Variants in DYNC2H1 observed in about 807,000 individuals in gnomAD.
The protein encoded by DYNC2H1 is dynein cytoplasmic 2 heavy chain 1.
In DYNC2H1, 410 loss-of-function variants were observed where a neutral mutation model predicts 570.0. The observed-to-expected ratio is 0.72, with a 90% CI of 0.66 to 0.78. DYNC2H1 has a LOEUF of 0.78. Ranked by LOEUF, DYNC2H1 falls within the 30% of genes least tolerant of loss-of-function variation. The pLI, the probability that DYNC2H1 is intolerant of heterozygous loss-of-function variation, is 0.00. For missense variants in DYNC2H1, 4,865 were observed against 5,046.4 expected, an observed-to-expected ratio of 0.96 and a Z score of 1.09; for synonymous variants, 1,688 against 1,677.6, an observed-to-expected ratio of 1.01 and a Z score of -0.15.
chr11:103,307,840 A>G lies in DYNC2H1; in HGVS notation c.11493+9A>G. 1.3e-6 allele frequency: 2 copies of G among 1,524,070 alleles called. No homozygotes were observed. Among genetic ancestry groups the G allele is most frequent in the Non-Finnish European group, 1.8e-6 (2 of 1,113,838 alleles). The allele number at this position is 1,524,070 out of a possible 1,614,324, so 94.4% of individuals were successfully genotyped here. On this transcript the variant is annotated intron_variant, in intron 78 of 88. Coordinates refer to ENST00000375735, the MANE Select transcript of DYNC2H1 (RefSeq NM_001377.3). Reference sequence around the variant, plus strand: ...TGAAGATAACATATGAGGTAAGAAGATTTAAAACTTGGATCACCAGTTGTA... The same window carrying G: ...TGAAGATAACATATGAGGTAAGAAGGTTTAAAACTTGGATCACCAGTTGTA...
intron 84 of DYNC2H1, among the ~76,000 whole-genome samples, chr11:103,418,989 C>T (rs1315672592): frequency 6.6e-6 from 1 of 152,154 alleles, no homozygotes; most frequent in African/African-American, 2.4e-5. Flanking sequence ...AAGAGTCCAC[C>T]TGTATATATC....
rs1409760583 is a variant in DYNC2H1, at chr11:103,244,274, A to G, written c.9918+483A>G. 6.6e-6 allele frequency among the ~76,000 whole-genome samples: 1 copy of G among 152,092 alleles called. No individual in the cohort carries two copies. The highest frequency in any genetic ancestry group is 6.6e-5 in the Admixed American group (1 of 15,262). ...CAAGATTTGATAATTGTTCAGTGAA[A>G]TATAATCATAGTCTTTTTGGTAGTG... On this transcript the variant is annotated intron_variant, in intron 64 of 88. Transcript: ENST00000375735. This position sits in a 1 kb window ranked among gnomAD's most constrained non-coding sequence, Gnocchi z 4.3.
chr11:103,139,838 G>A (rs528068342), intron 17 of DYNC2H1, among the ~76,000 whole-genome samples: 47 of 152,092 alleles, frequency 3.1e-4, no homozygotes, highest in African/African-American at 9.4e-4. Flanking sequence ...CATTATTATT[G>A]TGTGGGAGTC....
chr11:103,232,201 T>C (rs1864040463), intron 60 of DYNC2H1, among the ~76,000 whole-genome samples: 1 of 152,040 alleles, frequency 6.6e-6, no homozygotes, highest in South Asian at 2.1e-4. Flanking sequence ...ACTTCATTTA[T>C]TAGTCACTTG....
rs935777649 is a variant in DYNC2H1, at chr11:103,187,620, T to C, written c.7140+34T>C. The C allele has an allele frequency of 2.5e-6, 4 of 1,592,936 alleles. No homozygotes were observed. In the African/African-American group the frequency reaches 5.4e-5, roughly 22 times the overall value. ...TATTGCTTGAAGTGTTTTAATCTAA[T>C]TGGAAACAATTTAATTTCATTAACT... On this transcript the variant is annotated intron_variant, in intron 43 of 88. Coordinates refer to ENST00000375735, the MANE Select transcript of DYNC2H1 (RefSeq NM_001377.3).
At chr11:103,360,853 G>C (rs1940602834) in intron 83 of DYNC2H1, among the ~76,000 whole-genome samples, 1 of 152,168 alleles carries the variant, frequency 6.6e-6, no homozygotes, top group South Asian at 2.1e-4. Context: ...TGGGTGGAAA[G>C]CACAAGTGGT....
At chr11:103,131,383 G>C (rs553561141) in intron 13 of DYNC2H1, among the ~76,000 whole-genome samples, 1 of 151,828 alleles carries the variant, frequency 6.6e-6, no homozygotes, top group African/African-American at 2.4e-5. Context: ...AAGCTCTCCC[G>C]GGTTCACCCA....
chr11:103,434,522 C>G (rs575760187), intron 84 of DYNC2H1, among the ~76,000 whole-genome samples: 1 of 151,742 alleles, frequency 6.6e-6, no homozygotes, highest in East Asian at 1.9e-4. Context: ...CTAAAGATCC[C>G]TCCAGCTTCA....
At chr11:103,392,724 G>A (rs769443288) in intron 83 of DYNC2H1, among the ~76,000 whole-genome samples, 3 of 152,006 alleles carry the variant, frequency 2.0e-5, no homozygotes, top group Non-Finnish European at 2.9e-5. Flanking sequence ...TTTTTAGGGG[G>A]TATGGAGGCA....
rs1197917099 is a variant in DYNC2H1 at position 103,256,680 on chromosome 11, C to T, written c.10461+440C>T. 6.6e-6 allele frequency among the ~76,000 whole-genome samples: 1 copy of T among 152,072 alleles called. No homozygotes were observed. Among genetic ancestry groups the T allele is most frequent in the South Asian group, 2.1e-4 (1 of 4,824 alleles). On this transcript the variant is annotated intron_variant, in intron 68 of 88. Coordinates refer to ENST00000375735, the MANE Select transcript of DYNC2H1 (RefSeq NM_001377.3). This position sits in a 1 kb window ranked among gnomAD's most constrained non-coding sequence, Gnocchi z 4.0. ...TGCTTATAATGAACAGTGCTGGGTA[C>T]TTTATTATCCTAATGTGGACACCTG...
chr11:103,321,193 A>G lies in DYNC2H1; in HGVS notation c.11890A>G (p.Ile3964Val), dbSNP rs1312097733. 1 of 1,611,212 alleles carries G rather than the reference A, an allele frequency of 6.2e-7. No individual in the cohort carries two copies. The highest frequency in any genetic ancestry group is 1.1e-5 in the South Asian group (1 of 90,608). The change falls in exon 81 of 89, where the codon ATT (isoleucine) becomes GTT (valine). Residue 3964 changes from isoleucine (I) to valine (V), a missense_variant. Ile to Val is a conservative substitution (Grantham distance 29, BLOSUM62 3). Coordinates refer to ENST00000375735, the MANE Select transcript of DYNC2H1 (RefSeq NM_001377.3). ...ATTCAACCAAAGGAACAAGAAAAGC[A>G]TTTTTCCATATTCCGTATCTCTACC... ...DVFNQRNKKS[I>V]FPYSVSLPQS...
intron 85 of DYNC2H1, among the ~76,000 whole-genome samples, chr11:103,438,467 G>T (rs1290182640): frequency 6.6e-6 from 1 of 152,062 alleles, no homozygotes; most frequent in Non-Finnish European, 1.5e-5. Flanking sequence ...TGTGAAAATG[G>T]CACCTTTTGG....
chr11:103,194,717 A>AG, intron 47 of DYNC2H1, among the ~76,000 whole-genome samples: 1 of 151,606 alleles, frequency 6.6e-6, no homozygotes, highest in Non-Finnish European at 1.5e-5. Flanking sequence ...TTTTCCAATC[A>AG]AATTTTTTTT....
intron 87 of DYNC2H1, among the ~76,000 whole-genome samples, chr11:103,462,119 CTT>C (rs1945033155): frequency 6.6e-6 from 1 of 152,030 alleles, no homozygotes; most frequent in African/African-American, 2.4e-5. Context: ...TGCCTTAAGT[CTT>C]TTTATATCTA....
intron 88 of DYNC2H1, among the ~76,000 whole-genome samples, chr11:103,469,597 C>A (rs11225817): frequency 0.4 from 61,281 of 151,902 alleles, 13,742 homozygotes; most frequent in Non-Finnish European, 0.52. Flanking sequence ...AAAGCGATAG[C>A]AGTTAGCAAC....
rs191592669 is a variant in DYNC2H1 at position 103,254,824 on chromosome 11, T to C, written c.10207-591T>C. 0.012 allele frequency among the ~76,000 whole-genome samples: 1,779 copies of C among 152,238 alleles called. 37 individuals carry two copies. Among genetic ancestry groups the C allele is most frequent in the African/African-American group, 0.04 (1,650 of 41,522 alleles). ...TCTGGCACTGTTGCCCAGGCTGGAG[T>C]GCAATGGCGCAATCTCGGCTCACTG... On this transcript the variant is annotated intron_variant, in intron 66 of 88. Coordinates refer to ENST00000375735, the MANE Select transcript of DYNC2H1 (RefSeq NM_001377.3). The surrounding 1 kb of genome is among the most constrained non-coding windows in gnomAD (Gnocchi z 4.9).
Position 103,234,062 on chromosome 11 carries a change from A to G in DYNC2H1, c.9469A>G (p.Lys3157Glu), listed in dbSNP as rs201532839. Residue 3157 changes from lysine (K) to glutamate (E), a missense_variant, in exon 61 of 89, where the codon AAA becomes GAA. Transcript: ENST00000375735. Reference sequence around the variant, plus strand: ...TCAGAGCAGGACTTCAGAAGCTGCCAAACTTGAGGCTGAAGTAAGCAAGGC... The same window carrying G: ...TCAGAGCAGGACTTCAGAAGCTGCCGAACTTGAGGCTGAAGTAAGCAAGGC... ...KFQSRTSEAA[K>E]LEAEVSKAQE... 5.4e-5 allele frequency: 85 copies of G among 1,560,616 alleles called. No individual in the cohort carries two copies. Among genetic ancestry groups the G allele is most frequent in the Non-Finnish European group, 7.4e-5 (85 of 1,151,374 alleles).
At chr11:103,142,770 A>G (rs928044606) in intron 17 of DYNC2H1, among the ~76,000 whole-genome samples, 11 of 152,240 alleles carry the variant, frequency 7.2e-5, no homozygotes, top group African/African-American at 2.7e-4. Flanking sequence ...AATCAGGGCT[A>G]TTTAACAGCT....
chr11:103,270,516 A>T (rs982446671), intron 70 of DYNC2H1, among the ~76,000 whole-genome samples: 1 of 152,198 alleles, frequency 6.6e-6, no homozygotes, highest in Non-Finnish European at 1.5e-5. Flanking sequence ...GAGCAATTGT[A>T]ACAATTGTAA....
Sources: gnomAD v4.1 joint callset for allele counts (sites outside exome capture counted in the v4.1 genomes callset) on GRCh38, gnomAD v4.1.1 for gene constraint, Gnocchi (gnomAD v3.1) non-coding constraint, MANE v1.5 for transcripts, NCBI Gene and HGNC (gene_info 2026-07-23, HGNC 2026-07-21) for gene names.